Variants in RABL6 observed in about 807,000 individuals in gnomAD.
RABL6 encodes the protein RAB, member RAS oncogene family like 6, also known as rab-like protein 6.
Under a neutral mutation model 72.9 loss-of-function variants are expected in RABL6, and 28 were observed. The observed-to-expected ratio is 0.38, with a 90% CI of 0.28 to 0.53. RABL6 has a LOEUF of 0.53. Among genes scored for constraint, RABL6 ranks in the 20% least tolerant of loss-of-function variants. RABL6 has a pLI of 0.80. For missense variants in RABL6, 1,029 were observed against 1,008.4 expected, an observed-to-expected ratio of 1.02 and a Z score of -0.28; for synonymous variants, 477 against 421.2, an observed-to-expected ratio of 1.13 and a Z score of -1.62.
At chr9:136,833,594 C>T (rs1036767988) in intron 7 of RABL6, 101 of 1,341,446 alleles carry the variant, frequency 7.5e-5, no homozygotes, top group Non-Finnish European at 1.4e-5. Context: ...GGGACCTGAA[C>T]CTCCTCGCCC....
chr9:136,811,440 A>C (rs1848009722), intron 1 of RABL6, among the ~76,000 whole-genome samples: 1 of 152,042 alleles, frequency 6.6e-6, no homozygotes, highest in Non-Finnish European at 1.5e-5. Flanking sequence ...CAACATGTCG[A>C]AACCCCGTCT....
chr9:136,827,651 T>C (rs1172299407), intron 3 of RABL6: 1 of 152,468 alleles, frequency 6.6e-6, no homozygotes, highest in East Asian at 1.9e-4. Flanking sequence ...CCGGGCTGGC[T>C]CTGTCCCCTG....
At chr9:136,825,969 C>T (rs1564365136) in intron 3 of RABL6, 143 bp downstream of exon 3, 2 of 1,006,532 alleles carry the variant, frequency 2.0e-6, no homozygotes, top group East Asian at 2.4e-5. Context: ...TGCTCCCCTC[C>T]ACATCCAGTG....
At chr9:136,830,039 G>C (rs887885721) in intron 5 of RABL6, among the ~76,000 whole-genome samples, 1 of 152,214 alleles carries the variant, frequency 6.6e-6, no homozygotes, top group Admixed American at 6.5e-5. Context: ...GGGGTGCTGC[G>C]GACGCACACT....
In RABL6 at chr9:136,826,061, G is replaced by A. The variant is rs1018946980; in HGVS notation, c.313+235G>A. On this transcript the variant is annotated intron_variant, in intron 3 of 14. Transcript: ENST00000311502. The surrounding 1 kb of genome is among the most constrained non-coding windows in gnomAD (Gnocchi z 4.9). ...GCATACTCCCCGTCTCTGAGTGACCGCGTGCACGGTGGCGGCAGGTGCAGC... is the reference window on the plus strand; with the variant it reads ...GCATACTCCCCGTCTCTGAGTGACCACGTGCACGGTGGCGGCAGGTGCAGC... Among the ~76,000 whole-genome samples the A allele has an allele frequency of 1.3e-5, 2 of 152,278 alleles. No individual in the cohort carries two copies. The highest frequency in any genetic ancestry group is 2.1e-4 in the South Asian group (1 of 4,832).
chr9:136,838,040 C>A, intron 10 of RABL6, 25 bp downstream of exon 10: 1 of 1,550,162 alleles, frequency 6.5e-7, no homozygotes, highest in South Asian at 1.2e-5. Flanking sequence ...TGGGCCTCCT[C>A]TCCCATTGCC....
Position 136,839,710 on chromosome 9 carries a change from G to T in RABL6, c.1775G>T (p.Arg592Leu), listed in dbSNP as rs773563771. Residue 592 changes from arginine (R) to leucine (L), a missense_variant, in exon 13 of 15, where the codon CGA becomes CTA. This residue lies in a region of RABL6 where 595 missense variants were observed against 472.4 expected (regional missense o/e 1.26). Coordinates refer to ENST00000311502, the MANE Select transcript of RABL6 (RefSeq NM_024718.5). ...CTGCTCCAGGATGACTTTCCCGTGC[G>T]AGATGACCCCTCCGATGTGACTGAC... ...TQRRADDFPVRDDPSDVTDED... is the reference protein window; with the variant it reads ...TQRRADDFPVLDDPSDVTDED... 4 of 1,592,322 alleles carry T rather than the reference G, an allele frequency of 2.5e-6. No individual in the cohort carries two copies. The highest frequency in any genetic ancestry group is 3.4e-6 in the Non-Finnish European group (4 of 1,166,490).
At chr9:136,833,982 CA>C in intron 7 of RABL6, 1 of 1,525,912 alleles carries the variant, frequency 6.6e-7, no homozygotes. Context: ...CAAACCCTTC[CA>C]AAGCCTCCCA....
At chr9:136,827,229 T>C (rs1204437845) in intron 3 of RABL6, 1 of 152,190 alleles carries the variant, frequency 6.6e-6, no homozygotes, top group African/African-American at 2.4e-5. Flanking sequence ...CAGTGCCCAC[T>C]GTGCGAGGTG....
rs1401960581 is a variant in RABL6, at chr9:136,825,686, T to C, written c.266-93T>C. Reference sequence around the variant, plus strand: ...GGAAGTCCTGGTGGGAGCCGGTGGCTGCGGGGCACAGACAACCACACCAGC... The same window carrying C: ...GGAAGTCCTGGTGGGAGCCGGTGGCCGCGGGGCACAGACAACCACACCAGC... On this transcript the variant is annotated intron_variant, in intron 2 of 14. Transcript: ENST00000311502. The C allele has an allele frequency of 5.0e-6, 7 of 1,388,696 alleles. No individual in the cohort carries two copies. The African/African-American group carries it at 7.1e-5, about 14-fold the overall frequency. The allele number at this position is 1,388,696 out of a possible 1,614,324, so 86.0% of individuals were successfully genotyped here.
chr9:136,833,582 T>TG (rs1186232690), intron 7 of RABL6: 98 of 1,188,996 alleles, frequency 8.2e-5, no homozygotes, highest in African/African-American at 1.9e-5. Context: ...CAGCTGGGTC[T>TG]GGGGACCTGA....
intron 1 of RABL6, among the ~76,000 whole-genome samples, chr9:136,819,937 T>C (rs1374372954): frequency 6.6e-6 from 1 of 152,076 alleles, no homozygotes; most frequent in Non-Finnish European, 1.5e-5. Flanking sequence ...GGGTGGTGGC[T>C]CACATCTGTA....
intron 1 of RABL6, among the ~76,000 whole-genome samples, chr9:136,820,232 G>A (rs891726307): frequency 6.6e-6 from 1 of 150,512 alleles, no homozygotes; most frequent in Non-Finnish European, 1.5e-5. Context: ...AAATTAGCTG[G>A]CAGATGTCTG....
At chr9:136,817,869 C>T (rs888068711) in intron 1 of RABL6, among the ~76,000 whole-genome samples, 3 of 151,432 alleles carry the variant, frequency 2.0e-5, no homozygotes, top group Admixed American at 6.6e-5. Context: ...TGAGTCCAGC[C>T]TGGCCAACAT....
chr9:136,839,460 G>A lies in RABL6; in HGVS notation c.1732G>A (p.Glu578Lys), dbSNP rs372329687. The change falls in exon 12 of 15, where the codon GAG becomes AAG. Residue 578 changes from glutamate (E) to lysine (K), a missense_variant. Physicochemically the swap from Glu to Lys is moderately conservative, Grantham distance 56. Transcript: ENST00000311502. ...FVMDDPDFES[E>K]GSDTQRRADD... Reference sequence around the variant, plus strand: ...CATGGATGACCCCGACTTTGAGAGCGAGGGATCAGACACACAGCGCAGGGC... The same window carrying A: ...CATGGATGACCCCGACTTTGAGAGCAAGGGATCAGACACACAGCGCAGGGC... 103 of 1,612,330 alleles carry A rather than the reference G, an allele frequency of 6.4e-5. 1 individual carries two copies. The highest frequency in any genetic ancestry group is 2.2e-4 in the South Asian group (20 of 91,034).
intron 1 of RABL6, among the ~76,000 whole-genome samples, chr9:136,818,694 A>C (rs1389848341): frequency 1.3e-5 from 2 of 151,920 alleles, no homozygotes; most frequent in Non-Finnish European, 2.9e-5. Flanking sequence ...GCAGTGAGCC[A>C]AGACTGCATC....
rs1177425962 is a variant in RABL6, at chr9:136,840,690, C to T, written c.*168C>T. ...GTCCCCAGGCTGGGCCCTGCAGGTG[C>T]TGGGCCTTCAGGCCCAGTGTGAGCC... On this transcript the variant is annotated 3_prime_UTR_variant, in exon 15 of 15. Coordinates refer to ENST00000311502, the MANE Select transcript of RABL6 (RefSeq NM_024718.5). 6.5e-7 allele frequency: 1 copy of T among 1,549,108 alleles called. No individual in the cohort carries two copies. Among genetic ancestry groups the T allele is most frequent in the African/African-American group, 1.4e-5 (1 of 73,132 alleles).
Position 136,825,831 on chromosome 9 carries a change from G to A in RABL6, c.313+5G>A. 6.2e-7 allele frequency: 1 copy of A among 1,611,060 alleles called. No homozygotes were observed. The highest frequency in any genetic ancestry group is 1.7e-5 in the Admixed American group (1 of 60,020). ...TCTGGGATGTAGTAGACAAAGGTGA[G>A]GCGTCTCTGTTCTGTGTCTGCTTCT... On this transcript the variant is annotated splice_donor_5th_base_variant and intron_variant, in intron 3 of 14. Coordinates refer to ENST00000311502, the MANE Select transcript of RABL6 (RefSeq NM_024718.5).
chr9:136,825,025 G>T (rs567761913), intron 2 of RABL6, among the ~76,000 whole-genome samples: 1 of 152,306 alleles, frequency 6.6e-6, no homozygotes, highest in East Asian at 1.9e-4. Context: ...GAATCCTTGG[G>T]TGGGCGGGAG....
Sources: allele counts gnomAD v4.1 joint callset (sites outside exome capture counted in the v4.1 genomes callset), GRCh38; gene constraint gnomAD v4.1.1; regional missense constraint gnomAD v4.1.1; non-coding constraint Gnocchi (gnomAD v3.1); transcripts MANE v1.5; gene names NCBI Gene and HGNC (gene_info 2026-07-23, HGNC 2026-07-21).